Variants in MAPKAPK5 observed in about 807,000 individuals in gnomAD.
The protein encoded by MAPKAPK5 is MAP kinase-activated protein kinase 5.
In MAPKAPK5, 30 loss-of-function variants were observed where a neutral mutation model predicts 65.1. That is an observed-to-expected ratio of 0.46 (90% CI 0.34 to 0.63). The LOEUF is 0.63. Among genes scored for constraint, MAPKAPK5 ranks in the 20% least tolerant of loss-of-function variants. The probability of loss-of-function intolerance (pLI) is 0.01; values close to 1 mark genes in which losing one functional copy is unlikely to be tolerated. For synonymous variants in MAPKAPK5, 179 were observed against 204.6 expected, an observed-to-expected ratio of 0.87 and a Z score of 1.07; for missense variants, 433 against 581.4, an observed-to-expected ratio of 0.74 and a Z score of 2.63.
chr12:111,879,882 G>A (rs2070131707), intron 7 of MAPKAPK5: 1 of 160,768 alleles, frequency 6.2e-6, no homozygotes, highest in Non-Finnish European at 1.4e-5. Flanking sequence ...AAGTAGGTCG[G>A]GGTGTGGGAT....
In MAPKAPK5 at chr12:111,871,114, A is replaced by G; in HGVS notation, c.513A>G (p.Gly171=). 1 of 1,612,602 alleles carries G rather than the reference A, an allele frequency of 6.2e-7. No individual in the cohort carries two copies. The highest frequency in any genetic ancestry group is 2.2e-5 in the East Asian group (1 of 44,832). Residue 171 remains glycine (G), a synonymous_variant, in exon 7 of 14, where the codon GGA becomes GGG. Transcript: ENST00000550735. ...LDAPVKLCDF[G]FAKIDQGDLM... is the part of the protein sequence containing the mutation. ...CCCCAGTGAAGTTGTGTGACTTTGG[A>G]TTTGCCAAGATTGACCAAGGTGACT...
intron 13 of MAPKAPK5, among the ~76,000 whole-genome samples, chr12:111,891,709 A>G (rs907505287): frequency 2.1e-4 from 31 of 151,114 alleles, no homozygotes; most frequent in African/African-American, 7.3e-4. Flanking sequence ...CAGGAGGCTG[A>G]GGCAGGAGAA....
rs922691356 is a variant in MAPKAPK5 at position 111,899,339 on chromosome 12, T to C, written c.*6278T>C. ...AAAACCAAGTGGCCTTGGAAGAGGC[T>C]AAGATAAAGTTTCAAACTTGGGCTC... On this transcript the variant is annotated 3_prime_UTR_variant, in exon 14 of 14. Coordinates refer to ENST00000550735, the MANE Select transcript of MAPKAPK5 (RefSeq NM_003668.4). The C allele has an allele frequency of 6.5e-6, 1 of 153,366 alleles. No homozygotes were observed. The highest frequency in any genetic ancestry group is 2.4e-5 in the African/African-American group (1 of 41,450). 9.5% of individuals were successfully genotyped at this position (153,366 alleles called of 1,614,324 possible).
chr12:111,849,622 C>T (rs2069008696), intron 1 of MAPKAPK5, among the ~76,000 whole-genome samples: 1 of 152,204 alleles, frequency 6.6e-6, no homozygotes, highest in African/African-American at 2.4e-5. Flanking sequence ...CAAATATTTT[C>T]TCCCAGTCTG....
intron 1 of MAPKAPK5, chr12:111,843,046 T>C: frequency 5.0e-6 from 2 of 398,796 alleles, no homozygotes; most frequent in Non-Finnish European, 8.8e-6. Flanking sequence ...TAAGTGTCAA[T>C]GAATGGGACG....
At chr12:111,855,856 T>TC (rs2069219928) in intron 1 of MAPKAPK5, among the ~76,000 whole-genome samples, 1 of 151,134 alleles carries the variant, frequency 6.6e-6, no homozygotes, top group East Asian at 1.9e-4. Context: ...TTAATTTCTT[T>TC]TTTTTTTTTT....
At chr12:111,857,861 TTTTCTC>T (rs764730236) in intron 1 of MAPKAPK5, among the ~76,000 whole-genome samples, 1 of 152,128 alleles carries the variant, frequency 6.6e-6, no homozygotes. Context: ...ACTTACATTA[TTTTCTC>T]TTTCTCTTTC....
At chr12:111,864,528 G>A (rs2069542636) in intron 1 of MAPKAPK5, among the ~76,000 whole-genome samples, 1 of 152,106 alleles carries the variant, frequency 6.6e-6, no homozygotes, top group Non-Finnish European at 1.5e-5. Flanking sequence ...GTGAGTGAAT[G>A]AATTAATTAA....
chr12:111,885,764 G>T (rs140818886), intron 9 of MAPKAPK5, 152 bp from the exon 10 acceptor site: 22 of 855,242 alleles, frequency 2.6e-5, no homozygotes, highest in Non-Finnish European at 3.7e-5. Flanking sequence ...CAAGTGGTTG[G>T]AGACTAGAAT....
chr12:111,884,531 G>A (rs1465587501), intron 9 of MAPKAPK5, among the ~76,000 whole-genome samples: 1 of 152,192 alleles, frequency 6.6e-6, no homozygotes, highest in African/African-American at 2.4e-5. Context: ...ATCTTAAGAT[G>A]GGAAGATTTA....
intron 1 of MAPKAPK5, among the ~76,000 whole-genome samples, chr12:111,852,480 C>T (rs1380546753): frequency 6.6e-6 from 1 of 152,108 alleles, no homozygotes; most frequent in Non-Finnish European, 1.5e-5. Context: ...CTCTATCTTA[C>T]TCTATTGTAA....
At chr12:111,859,019 G>C (rs1288128760) in intron 1 of MAPKAPK5, among the ~76,000 whole-genome samples, 1 of 146,778 alleles carries the variant, frequency 6.8e-6, no homozygotes, top group Non-Finnish European at 1.5e-5. Context: ...TTGCTTTTAA[G>C]TGCAACTACT....
chr12:111,866,117 A>G (rs544519020), intron 2 of MAPKAPK5, 39 bp from the exon 3 acceptor site: 19 of 1,438,324 alleles, frequency 1.3e-5, no homozygotes, highest in African/African-American at 9.9e-5. Context: ...TCATTCTAAC[A>G]TATATGATCT....
chr12:111,899,980 TCAA>T lies in MAPKAPK5; in HGVS notation c.*6924_*6926del, dbSNP rs1486742784. ...AAGTACGTGGAGATGTTTGTCGTGG[TCAA>T]CAACCAGCGGTTCCAGATGTGGGGC... On this transcript the variant is annotated 3_prime_UTR_variant, in exon 14 of 14. Coordinates refer to ENST00000550735, the MANE Select transcript of MAPKAPK5 (RefSeq NM_003668.4). 2 of 456,080 alleles carry T rather than the reference TCAA, an allele frequency of 4.4e-6. No homozygotes were observed. The highest frequency in any genetic ancestry group is 4.7e-5 in the Admixed American group (2 of 42,572). The allele number at this position is 456,080 out of a possible 1,614,324, so 28.3% of individuals were successfully genotyped here. A position where few individuals can be genotyped will look rare whatever the true frequency, so the allele number is the denominator to read the frequency against.
chr12:111,882,565 A>G (rs1241618911), intron 8 of MAPKAPK5, among the ~76,000 whole-genome samples: 1 of 152,162 alleles, frequency 6.6e-6, no homozygotes, highest in African/African-American at 2.4e-5. Flanking sequence ...GCCTCTGCAA[A>G]CCCAGTTTTC....
chr12:111,855,177 A>G (rs1193779675), intron 1 of MAPKAPK5, among the ~76,000 whole-genome samples: 1 of 152,124 alleles, frequency 6.6e-6, no homozygotes, highest in East Asian at 1.9e-4. Flanking sequence ...GTATTGGTCA[A>G]TTCAGCTAAA....
intron 8 of MAPKAPK5, chr12:111,882,802 T>C: frequency 1.0e-6 from 1 of 985,538 alleles, no homozygotes; most frequent in East Asian, 1.1e-4. Context: ...CTCTCCATGA[T>C]CTGTGTCAAA....
chr12:111,877,929 T>C (rs1451886695), intron 7 of MAPKAPK5, among the ~76,000 whole-genome samples: 1 of 151,828 alleles, frequency 6.6e-6, no homozygotes, highest in Non-Finnish European at 1.5e-5. Context: ...TGGGCTCAAG[T>C]GATCCTCCTG....
In MAPKAPK5 at chr12:111,842,713, G is replaced by T; in HGVS notation, c.-21G>T. 2 of 1,374,256 alleles carry T rather than the reference G, an allele frequency of 1.5e-6. No individual in the cohort carries two copies. Among genetic ancestry groups the T allele is most frequent in the Non-Finnish European group, 9.4e-7 (1 of 1,058,352 alleles). The allele number at this position is 1,374,256 out of a possible 1,614,324, so 85.1% of individuals were successfully genotyped here. On this transcript the variant is annotated 5_prime_UTR_variant, in exon 1 of 14. Coordinates refer to ENST00000550735, the MANE Select transcript of MAPKAPK5 (RefSeq NM_003668.4). Reference sequence around the variant, plus strand: ...TGCTGAGCAGCCTCCGCCTCTCCCGGCTGTGGGGGCCCCACTGAGTATGTC... The same window carrying T: ...TGCTGAGCAGCCTCCGCCTCTCCCGTCTGTGGGGGCCCCACTGAGTATGTC...
Sources: allele counts gnomAD v4.1 joint callset (sites outside exome capture counted in the v4.1 genomes callset), GRCh38; gene constraint gnomAD v4.1.1; transcripts MANE v1.5; gene names NCBI Gene and HGNC (gene_info 2026-07-23, HGNC 2026-07-21).